The following NOVA1 variants were observed in gnomAD, a reference collection of about 807,000 sequenced individuals.
NOVA1 encodes RNA-binding protein Nova-1.
In NOVA1, 7 loss-of-function variants were observed where a neutral mutation model predicts 38.0. That is an observed-to-expected ratio of 0.18 (90% confidence interval 0.10 to 0.35). The LOEUF is 0.35. Among genes scored for constraint, NOVA1 ranks in the 10% least tolerant of loss-of-function variants. The pLI, the probability that NOVA1 is intolerant of heterozygous loss-of-function variation, is 1.00. For missense variants in NOVA1, 460 were observed against 616.0 expected (o/e 0.75, Z 2.68); for synonymous variants, 270 against 232.5 (o/e 1.16, Z -1.47).
intron 2 of NOVA1, among the ~76,000 whole-genome samples, chr14:26,528,442 T>C (rs1288769770): frequency 2.6e-5 from 4 of 152,042 alleles, no homozygotes; most frequent in Non-Finnish European, 4.4e-5. Context: ...CCAGGCCATA[T>C]AGTATGGGTA....
chr14:26,482,008 A>C (rs1239906504), intron 2 of NOVA1, among the ~76,000 whole-genome samples: 5 of 109,602 alleles, frequency 4.6e-5, no homozygotes, highest in African/African-American at 1.3e-4. Context: ...AAAAAAAAAA[A>C]AAAAAACATG....
chr14:26,561,639 C>G (rs1239942519), intron 2 of NOVA1, among the ~76,000 whole-genome samples: 1 of 152,082 alleles, frequency 6.6e-6, no homozygotes, highest in Non-Finnish European at 1.5e-5. Flanking sequence ...ATAAAACAAA[C>G]TGTATTGAAC....
At position 26,479,246 on chromosome 14, in the gene NOVA1, A is replaced by G. The variant is rs1211647714; in HGVS notation, c.447+731T>C. 2.6e-5 allele frequency: 4 copies of G among 152,194 alleles called. No homozygotes were observed. In the East Asian group the frequency reaches 7.7e-4, roughly 29 times the overall value. 9.4% of individuals were successfully genotyped at this position (152,194 alleles called of 1,614,324 possible). Reference sequence around the variant, plus strand: ...ATAATTATGAACATAATAAATTTATAGACGTAAAAGAGTTTACGGTGGAAG... The same window carrying G: ...ATAATTATGAACATAATAAATTTATGGACGTAAAAGAGTTTACGGTGGAAG... On this transcript the variant is annotated intron_variant, in intron 3 of 4. Coordinates refer to ENST00000539517, the MANE Select transcript of NOVA1 (RefSeq NM_002515.3).
Position 26,597,577 on chromosome 14 carries a change from A to G in NOVA1, c.-141T>C. Reference sequence around the variant, plus strand: ...TTTTTTTTTTAATCGGATCAATATAAATCTCTTTAGGAAAAAAAGCAATGT... The same window carrying G: ...TTTTTTTTTTAATCGGATCAATATAGATCTCTTTAGGAAAAAAAGCAATGT... On this transcript the variant is annotated 5_prime_UTR_variant, in exon 1 of 5. Transcript: ENST00000539517. 1 of 1,211,452 alleles carries G rather than the reference A, an allele frequency of 8.3e-7. No individual in the cohort carries two copies. Among genetic ancestry groups the G allele is most frequent in the African/African-American group, 1.7e-5 (1 of 58,124 alleles). The allele number at this position is 1,211,452 out of a possible 1,614,324, so 75.0% of individuals were successfully genotyped here.
chr14:26,596,770 G>A (rs564151565), intron 1 of NOVA1: 1 of 1,245,296 alleles, frequency 8.0e-7, no homozygotes, highest in Non-Finnish European at 1.0e-6. Context: ...TCTAAGTGCG[G>A]TAAGGGCATG....
chr14:26,587,481 A>G (rs546961505), intron 2 of NOVA1, among the ~76,000 whole-genome samples: 181 of 151,252 alleles, frequency 1.2e-3, no homozygotes, highest in Middle Eastern at 0.01. Context: ...TCTGATAAAT[A>G]TGCATAATAA....
intron 2 of NOVA1, among the ~76,000 whole-genome samples, chr14:26,573,012 A>C (rs1422803851): frequency 6.6e-6 from 1 of 152,156 alleles, no homozygotes; most frequent in Non-Finnish European, 1.5e-5. Context: ...GATCTACATA[A>C]AGGGAGTAAT....
At chr14:26,473,870 A>G in intron 3 of NOVA1, among the ~76,000 whole-genome samples, 1 of 152,116 alleles carries the variant, frequency 6.6e-6, no homozygotes, top group East Asian at 1.9e-4. Flanking sequence ...CAAAATTCTA[A>G]AAAAGTTTTA....
intron 3 of NOVA1, 169 bp downstream of exon 3, chr14:26,479,808 C>T (rs980808328): frequency 3.1e-5 from 17 of 541,634 alleles, no homozygotes; most frequent in Non-Finnish European, 4.6e-5. Context: ...ATTAACTGAT[C>T]AATCTAAGGA....
chr14:26,450,382 T>TACAA (rs1555314372), intron 4 of NOVA1, among the ~76,000 whole-genome samples: 1 of 149,814 alleles, frequency 6.7e-6, no homozygotes, highest in Non-Finnish European at 1.5e-5. Context: ...ACACATATAA[T>TACAA]ACACACACAC....
chr14:26,490,739 C>T (rs1886267788), intron 2 of NOVA1, among the ~76,000 whole-genome samples: 1 of 151,486 alleles, frequency 6.6e-6, no homozygotes, highest in Non-Finnish European at 1.5e-5. Flanking sequence ...AGTGCAGTAG[C>T]GTGATCATTG....
chr14:26,491,011 G>A (rs567213004), intron 2 of NOVA1, among the ~76,000 whole-genome samples: 142 of 151,916 alleles, frequency 9.3e-4, no homozygotes, highest in Non-Finnish European at 1.1e-3. Flanking sequence ...CACCACGCCC[G>A]GATAATTTTT....
chr14:26,543,869 G>T (rs939841136), intron 2 of NOVA1, among the ~76,000 whole-genome samples: 20 of 151,958 alleles, frequency 1.3e-4, no homozygotes, highest in African/African-American at 4.8e-4. Flanking sequence ...GCCAAAAATT[G>T]CTCAGGCTAT....
chr14:26,487,494 A>G (rs1886009362), intron 2 of NOVA1, among the ~76,000 whole-genome samples: 1 of 152,114 alleles, frequency 6.6e-6, no homozygotes, highest in Admixed American at 6.6e-5. Context: ...AATCTCATTT[A>G]ATGTTCACAA....
intron 2 of NOVA1, among the ~76,000 whole-genome samples, chr14:26,578,107 T>C (rs1016487620): frequency 6.6e-6 from 1 of 151,720 alleles, no homozygotes; most frequent in African/African-American, 2.4e-5. Flanking sequence ...CTGTGTCAAA[T>C]GCTGCTGATG....
chr14:26,484,101 A>G (rs971750378), intron 2 of NOVA1, among the ~76,000 whole-genome samples: 15 of 152,150 alleles, frequency 9.9e-5, no homozygotes, highest in Admixed American at 2.6e-4. Context: ...CTTTTTAGGC[A>G]TGACAAATCT....
intron 2 of NOVA1, among the ~76,000 whole-genome samples, chr14:26,570,583 G>T (rs898880453): frequency 2.0e-5 from 3 of 152,072 alleles, no homozygotes; most frequent in Non-Finnish European, 4.4e-5. Context: ...ATATGTGTAT[G>T]TGTACTGTAT....
At chr14:26,508,791 A>G (rs1294214227) in intron 2 of NOVA1, among the ~76,000 whole-genome samples, 1 of 152,020 alleles carries the variant, frequency 6.6e-6, no homozygotes, top group African/African-American at 2.4e-5. Flanking sequence ...ATTAATAAAT[A>G]AATGGAGTAA....
Position 26,587,308 on chromosome 14 carries a change from T to TTAA in NOVA1, c.280+8101_280+8102insTTA, listed in dbSNP as rs374526855. 4.3e-4 allele frequency among the ~76,000 whole-genome samples: 53 copies of TTAA among 123,694 alleles called. 1 individual carries two copies. The highest frequency in any genetic ancestry group is 1.7e-3 in the African/African-American group (50 of 28,774). The allele number at this position is 123,694 out of a possible 152,430, so 81.1% of individuals were successfully genotyped here. ...ATCTTTAACAGGGATCTAAAATATATAAAAAAAAAAAAAAACAAAAATCTA... is the reference window on the plus strand; with the variant it reads ...ATCTTTAACAGGGATCTAAAATATATTAAAAAAAAAAAAAAAAACAAAAATCTA... On this transcript the variant is annotated intron_variant, in intron 2 of 4. Transcript: ENST00000539517.
Sources: gnomAD v4.1 joint callset for allele counts (sites outside exome capture counted in the v4.1 genomes callset) on GRCh38, gnomAD v4.1.1 for gene constraint, MANE v1.5 for transcripts, NCBI Gene and HGNC (gene_info 2026-07-23, HGNC 2026-07-21) for gene names.